Variants in WBP11 observed in about 807,000 individuals in gnomAD.
WBP11 encodes the protein WW domain binding protein 11.
Under a neutral mutation model 66.7 loss-of-function variants are expected in WBP11, and 12 were observed. The observed-to-expected ratio is 0.18, with a 90% CI of 0.12 to 0.29. The LOEUF is 0.29. WBP11 is among the 10% of genes least tolerant of loss of function. The probability of loss-of-function intolerance (pLI) is 1.00; values close to 1 mark genes in which losing one functional copy is unlikely to be tolerated. For synonymous variants in WBP11, 255 were observed against 273.8 expected (o/e 0.93, Z 0.68); for missense variants, 555 against 818.3 (o/e 0.68, Z 3.93).
At position 14,785,214 on chromosome 12, in the gene WBP11, G is replaced by C. The variant is rs1949740324; in HGVS notation, c.*1851C>G. On this transcript the variant is annotated 3_prime_UTR_variant, in exon 12 of 12. Transcript: ENST00000261167. ...GAACCCAGGAGTTTCAGGCTGCAGT[G>C]AGCTATGATCACATCACTGCACTGC... is the stretch of plus-strand genomic sequence containing the variant. 1.3e-5 allele frequency: 2 copies of C among 152,154 alleles called. No individual in the cohort carries two copies. Among genetic ancestry groups the C allele is most frequent in the Non-Finnish European group, 2.9e-5 (2 of 68,030 alleles). The allele number at this position is 152,154 out of a possible 1,614,324, so 9.4% of individuals were successfully genotyped here. A position where few individuals can be genotyped will look rare whatever the true frequency, so the allele number is the denominator to read the frequency against.
chr12:14,792,151 AG>A, intron 8 of WBP11, among the ~76,000 whole-genome samples: 1 of 152,314 alleles, frequency 6.6e-6, no homozygotes, highest in African/African-American at 2.4e-5. Context: ...ATTTACAAAA[AG>A]GAAAAAAAAT....
intron 10 of WBP11, among the ~76,000 whole-genome samples, chr12:14,789,507 C>A (rs1389824445): frequency 6.6e-6 from 1 of 152,110 alleles, no homozygotes; most frequent in African/African-American, 2.4e-5. Flanking sequence ...ATGGTGTGAA[C>A]CCGGGAGGCG....
At chr12:14,799,577 T>C in intron 4 of WBP11, 58 bp downstream of exon 4, 2 of 1,531,130 alleles carry the variant, frequency 1.3e-6, no homozygotes, top group Non-Finnish European at 1.8e-6. Flanking sequence ...CTTCACTCGT[T>C]ACCTGCCTGC....
At position 14,786,663 on chromosome 12, in the gene WBP11, TAACTC is replaced by T. The variant is rs1230052396; in HGVS notation, c.*397_*401del. 6.4e-6 allele frequency: 1 copy of T among 156,728 alleles called. No homozygotes were observed. Among genetic ancestry groups the T allele is most frequent in the Non-Finnish European group, 1.4e-5 (1 of 71,054 alleles). The allele number at this position is 156,728 out of a possible 1,614,324, so 9.7% of individuals were successfully genotyped here. A position where few individuals can be genotyped will look rare whatever the true frequency, so the allele number is the denominator to read the frequency against. On this transcript the variant is annotated 3_prime_UTR_variant, in exon 12 of 12. Coordinates refer to ENST00000261167, the MANE Select transcript of WBP11 (RefSeq NM_016312.3). The stretch of plus-strand genomic sequence containing the variant: ...AATATTTACAGGAAAATATTAAAAA[TAACTC>T]AAACACAAAAGGCAAGATGAAATAA...
At chr12:14,788,651 TA>T (rs1231881052) in intron 11 of WBP11, among the ~76,000 whole-genome samples, 1 of 152,168 alleles carries the variant, frequency 6.6e-6, no homozygotes, top group Non-Finnish European at 1.5e-5. Flanking sequence ...ACTCTAATTT[TA>T]AACTTTAAGT....
chr12:14,793,086 T>C (rs2137233715), intron 8 of WBP11, among the ~76,000 whole-genome samples: 1 of 152,292 alleles, frequency 6.6e-6, no homozygotes, highest in South Asian at 2.1e-4. Context: ...TCATTATCAA[T>C]ATTAATATTA....
rs376231329 is a variant in WBP11, at chr12:14,794,540, G to A, written c.718C>T (p.Leu240Phe). ...RDEDMLYSPE[L>F]AQRGHDDDVS... ...CAAAAGAACAGTCACTTCTCACCAAGTTCAGGACTATATAACATGTCTTCA... is the reference window on the plus strand; with the variant it reads ...CAAAAGAACAGTCACTTCTCACCAAATTCAGGACTATATAACATGTCTTCA... Residue 240 changes from leucine (L) to phenylalanine (F), a missense_variant, in exon 7 of 12, where the codon CTT becomes TTT. Physicochemically the swap from Leu to Phe is conservative, Grantham distance 22 (BLOSUM62 0). Around this residue, in one of 6 missense-constraint regions of WBP11, gnomAD observed 220 missense variants for 268.2 expected, o/e 0.82. Transcript: ENST00000261167. The A allele has an allele frequency of 6.8e-6, 11 of 1,613,388 alleles. No homozygotes were observed. In the Admixed American group the frequency reaches 1.8e-4, roughly 27 times the overall value.
At chr12:14,798,026 C>G (rs922208161) in intron 4 of WBP11, among the ~76,000 whole-genome samples, 2 of 152,082 alleles carry the variant, frequency 1.3e-5, no homozygotes, top group African/African-American at 4.8e-5. Flanking sequence ...TCTGCCTTAA[C>G]TAGTCTGTAT....
chr12:14,797,724 TGA>T (rs1949909725), intron 4 of WBP11, among the ~76,000 whole-genome samples: 1 of 152,220 alleles, frequency 6.6e-6, no homozygotes, highest in African/African-American at 2.4e-5. Flanking sequence ...AATGTAGATG[TGA>T]GAGAGATAAG....
Position 14,787,374 on chromosome 12 carries a change from G to A in WBP11, c.1617C>T (p.Asn539=). 5 of 1,603,904 alleles carry A rather than the reference G, an allele frequency of 3.1e-6. No individual in the cohort carries two copies. The highest frequency in any genetic ancestry group is 1.1e-5 in the South Asian group (1 of 90,082). ...CATCCGCCTTGGGTCGCTGAATCAA[G>A]TTGGGTGGGGCACTTAAAACCCCAG... ...PNPGVLSAPP[N]LIQRPKADDT... The change falls in exon 12 of 12, where the codon AAC becomes AAT. Residue 539 remains asparagine, a synonymous_variant. Coordinates refer to ENST00000261167, the MANE Select transcript of WBP11 (RefSeq NM_016312.3).
chr12:14,789,470 C>T (rs189956609), intron 10 of WBP11, among the ~76,000 whole-genome samples: 5 of 151,942 alleles, frequency 3.3e-5, no homozygotes, highest in East Asian at 2.0e-4. Context: ...CTGTAATCCC[C>T]GCTACTTGGG....
chr12:14,793,934 G>A lies in WBP11; in HGVS notation c.722-12C>T. ...ATGACCTCGCTGGGCTGAAAAGTGG[G>A]AAGGGAACATGGAGAAGTAGTATGA... is the stretch of plus-strand genomic sequence containing the variant. On this transcript the variant is annotated splice_polypyrimidine_tract_variant and intron_variant, in intron 7 of 11. Transcript: ENST00000261167. 1 of 1,595,150 alleles carries A rather than the reference G, an allele frequency of 6.3e-7. No individual in the cohort carries two copies. Among genetic ancestry groups the A allele is most frequent in the Non-Finnish European group, 8.5e-7 (1 of 1,170,400 alleles).
chr12:14,789,999 C>T (rs1263263535), intron 10 of WBP11, among the ~76,000 whole-genome samples: 1 of 152,194 alleles, frequency 6.6e-6, no homozygotes, highest in East Asian at 1.9e-4. Flanking sequence ...ACTTAATAAA[C>T]AGACTAATCA....
chr12:14,785,837 A>G lies in WBP11; in HGVS notation c.*1228T>C, dbSNP rs1949748283. ...ATACACACTTTGGATCACTGGATAAATCACGAGTCCTTTTTAAGTTTCAAT... is the reference window on the plus strand; with the variant it reads ...ATACACACTTTGGATCACTGGATAAGTCACGAGTCCTTTTTAAGTTTCAAT... On this transcript the variant is annotated 3_prime_UTR_variant, in exon 12 of 12. Coordinates refer to ENST00000261167, the MANE Select transcript of WBP11 (RefSeq NM_016312.3). 6.6e-6 allele frequency: 1 copy of G among 152,228 alleles called. No homozygotes were observed. The highest frequency in any genetic ancestry group is 1.5e-5 in the Non-Finnish European group (1 of 68,038). The allele number at this position is 152,228 out of a possible 1,614,324, so 9.4% of individuals were successfully genotyped here.
At chr12:14,799,752 G>A (rs1233810747) in intron 3 of WBP11, 24 bp from the exon 4 acceptor site, 1 of 1,602,992 alleles carries the variant, frequency 6.2e-7, no homozygotes, top group African/African-American at 1.3e-5. Context: ...AAGGGCAGAT[G>A]TCAAGAAGTC....
rs146794656 is a variant in WBP11, at chr12:14,787,363, C to T, written c.1628G>A (p.Arg543Gln). 6.2e-7 allele frequency: 1 copy of T among 1,607,768 alleles called. No homozygotes were observed. The highest frequency in any genetic ancestry group is 8.5e-7 in the Non-Finnish European group (1 of 1,175,268). ...TGCACTTGTATCATCCGCCTTGGGT[C>T]GCTGAATCAAGTTGGGTGGGGCACT... ...VLSAPPNLIQ[R>Q]PKADDTSAAT... Residue 543 changes from arginine to glutamine, a missense_variant, in exon 12 of 12, where the codon CGA becomes CAA. By Grantham distance (43) the Arg-to-Gln change is conservative. This residue lies in a region of WBP11 where 230 missense variants were observed against 286.3 expected (regional missense o/e 0.80). Coordinates refer to ENST00000261167, the MANE Select transcript of WBP11 (RefSeq NM_016312.3).
chr12:14,788,918 C>T, intron 11 of WBP11, 33 bp downstream of exon 11: 1 of 1,256,064 alleles, frequency 8.0e-7, no homozygotes, highest in Non-Finnish European at 1.1e-6. Flanking sequence ...AAACAGCAGG[C>T]TAAGTTTTTA....
In WBP11 at chr12:14,786,981, A is replaced by C. The variant is rs1419299486; in HGVS notation, c.*84T>G. Reference sequence around the variant, plus strand: ...TAGAAAATACCCTGACAATGGAAGCAGCTCTTTCATCTAAGTTTAATAAGA... The same window carrying C: ...TAGAAAATACCCTGACAATGGAAGCCGCTCTTTCATCTAAGTTTAATAAGA... On this transcript the variant is annotated 3_prime_UTR_variant, in exon 12 of 12. Transcript: ENST00000261167. The C allele has an allele frequency of 3.0e-6, 4 of 1,316,060 alleles. No individual in the cohort carries two copies. The highest frequency in any genetic ancestry group is 5.5e-5 in the Admixed American group (2 of 36,406). 81.5% of individuals were successfully genotyped at this position (1,316,060 alleles called of 1,614,324 possible). A position where few individuals can be genotyped will look rare whatever the true frequency, so the allele number is the denominator to read the frequency against.
At chr12:14,791,728 G>C (rs1949824455) in intron 8 of WBP11, among the ~76,000 whole-genome samples, 1 of 152,148 alleles carries the variant, frequency 6.6e-6, no homozygotes, top group Non-Finnish European at 1.5e-5. Flanking sequence ...GCAAAAATAT[G>C]AAACTAATTT....
Sources: gnomAD v4.1 joint callset for allele counts (sites outside exome capture counted in the v4.1 genomes callset) on GRCh38, gnomAD v4.1.1 for gene constraint, gnomAD v4.1.1 regional missense constraint, MANE v1.5 for transcripts, NCBI Gene and HGNC (gene_info 2026-07-23, HGNC 2026-07-21) for gene names.